Variants in KLRD1 observed in about 807,000 individuals in gnomAD.
The protein encoded by KLRD1 is natural killer cells antigen CD94.
A neutral mutation model predicts 22.6 loss-of-function variants in KLRD1; 21 were observed. The observed-to-expected ratio is 0.93, with a 90% CI of 0.66 to 1.34. The LOEUF (loss-of-function observed/expected upper bound fraction) is 1.34, where lower values mean the gene tolerates loss of function less well. KLRD1 is among the 40% of genes most tolerant of loss of function. KLRD1 has a pLI of 0.00. For synonymous variants in KLRD1, 59 were observed against 71.1 expected, an observed-to-expected ratio of 0.83 and a Z score of 0.85; for missense variants, 183 against 208.6, an observed-to-expected ratio of 0.88 and a Z score of 0.76.
At chr12:10,270,926 G>C (rs183707590) in intron 1 of KLRD1, among the ~76,000 whole-genome samples, 6 of 152,082 alleles carry the variant, frequency 3.9e-5, no homozygotes, top group Non-Finnish European at 8.8e-5. Flanking sequence ...TGAGATTACA[G>C]GTGCATACCA....
chr12:10,244,045 C>T (rs1337769435), intron 1 of KLRD1, among the ~76,000 whole-genome samples: 5 of 152,066 alleles, frequency 3.3e-5, no homozygotes, highest in Non-Finnish European at 7.4e-5. Context: ...AGTTCGTGGG[C>T]TTCCGGTTTC....
At chr12:10,304,353 TATGGTTAC>T (rs1949893024), upstream of KLRD1, 1 of 152,240 alleles carries the variant, frequency 6.6e-6, no homozygotes, top group African/African-American at 2.4e-5. Context: ...GTTACATGGT[TATGGTTAC>T]ACATAGCTTA....
chr12:10,256,819 T>G (rs1046302201), intron 1 of KLRD1, among the ~76,000 whole-genome samples: 4 of 152,106 alleles, frequency 2.6e-5, no homozygotes, highest in Non-Finnish European at 5.9e-5. Context: ...ATGATGATGA[T>G]GAATTATTGT....
At chr12:10,293,726 A>G (rs886480133) in intron 1 of KLRD1, among the ~76,000 whole-genome samples, 1 of 152,196 alleles carries the variant, frequency 6.6e-6, no homozygotes, top group Non-Finnish European at 1.5e-5. Context: ...GACTTGCTAG[A>G]GGTAGGGTTG....
intron 1 of KLRD1, among the ~76,000 whole-genome samples, chr12:10,275,230 T>C (rs1490635237): frequency 6.6e-6 from 1 of 152,174 alleles, no homozygotes; most frequent in Non-Finnish European, 1.5e-5. Context: ...CTACTGGTTC[T>C]TTTTCGGGTA....
At chr12:10,276,308 T>A (rs906811401) in intron 1 of KLRD1, among the ~76,000 whole-genome samples, 12 of 152,126 alleles carry the variant, frequency 7.9e-5, no homozygotes, top group African/African-American at 2.7e-4. Flanking sequence ...GTTCTTGTGC[T>A]TTGTTTGTTT....
chr12:10,279,286 T>G (rs1013252187), intron 1 of KLRD1, among the ~76,000 whole-genome samples: 9 of 152,152 alleles, frequency 5.9e-5, no homozygotes, highest in Non-Finnish European at 8.8e-5. Flanking sequence ...TAGGATAATG[T>G]CCTCCAGCTT....
intron 1 of KLRD1, among the ~76,000 whole-genome samples, chr12:10,278,987 GTT>G (rs201158757): frequency 3.1e-5 from 4 of 128,386 alleles, no homozygotes; most frequent in East Asian, 2.2e-4. Context: ...GTTAGCATCA[GTT>G]TTTTTTTTTT....
intron 1 of KLRD1, among the ~76,000 whole-genome samples, chr12:10,265,035 T>A (rs1327481115): frequency 2.0e-5 from 3 of 152,154 alleles, no homozygotes; most frequent in African/African-American, 4.8e-5. Context: ...TTTCCTTTTT[T>A]TAAGGCTGAA....
intron 1 of KLRD1, among the ~76,000 whole-genome samples, chr12:10,284,871 C>T (rs1424959913): frequency 6.6e-6 from 1 of 152,116 alleles, no homozygotes; most frequent in Non-Finnish European, 1.5e-5. Context: ...ATCCCAGCTA[C>T]TCAGGAGGCT....
chr12:10,250,488 A>T (rs10845088), intron 1 of KLRD1, among the ~76,000 whole-genome samples: 114,094 of 151,630 alleles, frequency 0.75, 43,485 homozygotes, highest in East Asian at 1. Context: ...ACGGGGTCTC[A>T]CTCTGTTGCC....
At chr12:10,311,711 A>G (rs1950075980) in intron 4 of KLRD1, 96 bp downstream of exon 4, 1 of 1,086,502 alleles carries the variant, frequency 9.2e-7, no homozygotes, top group African/African-American at 1.6e-5. Context: ...TTAATCACAT[A>G]GTAAGTGGAT....
intron 1 of KLRD1, among the ~76,000 whole-genome samples, chr12:10,287,903 A>G (rs911832227): frequency 2.0e-5 from 3 of 151,972 alleles, no homozygotes; most frequent in Non-Finnish European, 2.9e-5. Context: ...CCCTGTCTCT[A>G]CTAAAATACA....
chr12:10,308,495 G>A, intron 1 of KLRD1: 1 of 196,062 alleles, frequency 5.1e-6, no homozygotes, highest in South Asian at 1.0e-4. Context: ...TTGACACATT[G>A]TACTGTTGTT....
At chr12:10,305,062 T>C (rs114615321), upstream of KLRD1, among the ~76,000 whole-genome samples, 855 of 152,352 alleles carry the variant, frequency 5.6e-3, 10 homozygotes, top group African/African-American at 0.02. Context: ...ACATTTTAGT[T>C]ATACATTTTT....
intron 1 of KLRD1, among the ~76,000 whole-genome samples, chr12:10,281,894 A>C (rs1379200009): frequency 6.6e-6 from 1 of 152,198 alleles, no homozygotes. Context: ...AACCTTGGTC[A>C]TAAACTTACA....
Position 10,321,428 on chromosome 12 carries a change from G to C in KLRD1, c.*6635G>C, listed in dbSNP as rs1442028187. ...GGAATGAGATTTGGCAGTTGGTGTGGATTTTGTATGTGGGAGGGACATAAA... is the reference window on the plus strand; with the variant it reads ...GGAATGAGATTTGGCAGTTGGTGTGCATTTTGTATGTGGGAGGGACATAAA... On this transcript the variant is annotated 3_prime_UTR_variant, in exon 6 of 6. Coordinates refer to ENST00000336164, the MANE Select transcript of KLRD1 (RefSeq NM_002262.5). 1 of 152,166 alleles carries C rather than the reference G, an allele frequency of 6.6e-6. No individual in the cohort carries two copies. Among genetic ancestry groups the C allele is most frequent in the Non-Finnish European group, 1.5e-5 (1 of 68,026 alleles). The allele number at this position is 152,166 out of a possible 1,614,324, so 9.4% of individuals were successfully genotyped here. A position where few individuals can be genotyped will look rare whatever the true frequency, so the allele number is the denominator to read the frequency against.
At chr12:10,270,215 T>C (rs1451825967) in intron 1 of KLRD1, among the ~76,000 whole-genome samples, 5 of 152,116 alleles carry the variant, frequency 3.3e-5, no homozygotes, top group African/African-American at 9.7e-5. Context: ...CTCAAAAAAC[T>C]GAATTGATAA....
chr12:10,276,588 G>A (rs1949594063), intron 1 of KLRD1, among the ~76,000 whole-genome samples: 1 of 151,692 alleles, frequency 6.6e-6, no homozygotes. Flanking sequence ...GAGTGCAATG[G>A]CATGATCTCT....
Sources: allele counts gnomAD v4.1 joint callset (sites outside exome capture counted in the v4.1 genomes callset), GRCh38; gene constraint gnomAD v4.1.1; transcripts MANE v1.5; gene names NCBI Gene and HGNC (gene_info 2026-07-23, HGNC 2026-07-21).